The following RAPGEF6 variants were observed in gnomAD, a reference collection of about 807,000 sequenced individuals.
RAPGEF6 encodes Rap guanine nucleotide exchange factor 6, also known as PDZ domain containing guanine nucleotide exchange factor (GEF) 2.
Under a neutral mutation model 171.4 loss-of-function variants are expected in RAPGEF6, and 56 were observed. The observed-to-expected ratio is 0.33, with a 90% CI of 0.26 to 0.41. The LOEUF (loss-of-function observed/expected upper bound fraction) is 0.41. RAPGEF6 is among the 10% of genes least tolerant of loss of function. RAPGEF6 has a pLI of 1.00. For missense variants in RAPGEF6, 1,674 were observed against 1,921.4 expected (o/e 0.87, Z 2.41); for synonymous variants, 692 against 650.1 (o/e 1.06, Z -0.98).
At chr5:131,504,291 G>A (rs1297340837) in intron 11 of RAPGEF6, among the ~76,000 whole-genome samples, 1 of 151,872 alleles carries the variant, frequency 6.6e-6, no homozygotes, top group Non-Finnish European at 1.5e-5. Context: ...GTGAAACCTC[G>A]CCTCTACTAA....
chr5:131,433,708 G>C (rs966815505), intron 24 of RAPGEF6, 50 bp from the exon 25 acceptor site: 1 of 1,371,148 alleles, frequency 7.3e-7, no homozygotes, highest in African/African-American at 1.4e-5. Context: ...GGAACATATG[G>C]TGGGGGTAGT....
At chr5:131,540,657 C>T (rs1760075267) in intron 6 of RAPGEF6, among the ~76,000 whole-genome samples, 1 of 152,218 alleles carries the variant, frequency 6.6e-6, no homozygotes, top group African/African-American at 2.4e-5. Context: ...CAAACACCAA[C>T]AAAGTTTTTT....
Position 131,604,663 on chromosome 5 carries a change from C to T in RAPGEF6, c.100G>A (p.Gly34Arg). ...CTGAGATTTGATAATATTTCCATTC[C>T]ATGAAGATAAGAATAAATAGTATTT... ...DLNTIYSYLH[G>R]MEILSNLREH... Residue 34 changes from glycine to arginine, a missense_variant, in exon 2 of 28, where the codon GGA becomes AGA. Around this residue, in one of 3 missense-constraint regions of RAPGEF6, gnomAD observed 1,116 missense variants for 1,321.5 expected, o/e 0.84. Coordinates refer to ENST00000509018, the MANE Select transcript of RAPGEF6 (RefSeq NM_016340.6). The T allele has an allele frequency of 6.2e-7, 1 of 1,611,288 alleles. No homozygotes were observed. Among genetic ancestry groups the T allele is most frequent in the Non-Finnish European group, 8.5e-7 (1 of 1,178,814 alleles).
chr5:131,430,798 C>T lies in RAPGEF6; in HGVS notation c.4465+61G>A, dbSNP rs143411413. ...CGATAAAATCCAGGGCCAAGATATC[C>T]CAATGCCATTTTTTGACTACTTAAT... On this transcript the variant is annotated intron_variant, in intron 26 of 27. Transcript: ENST00000509018. 4.0e-3 allele frequency: 6,364 copies of T among 1,578,006 alleles called. 17 individuals are homozygous for T. Among genetic ancestry groups the T allele is most frequent in the Non-Finnish European group, 4.7e-3 (5,479 of 1,164,294 alleles).
At chr5:131,515,782 A>G (rs190395600) in intron 7 of RAPGEF6, among the ~76,000 whole-genome samples, 1 of 152,336 alleles carries the variant, frequency 6.6e-6, no homozygotes, top group East Asian at 1.9e-4. Context: ...GAAAAGGCAG[A>G]CATGTTCAGG....
At chr5:131,504,461 C>T (rs1004365166) in intron 11 of RAPGEF6, among the ~76,000 whole-genome samples, 165 bp downstream of exon 11, 1 of 113,826 alleles carries the variant, frequency 8.8e-6, no homozygotes, top group Non-Finnish European at 1.9e-5. Context: ...GACTCCATCA[C>T]AAAAAAAAAA....
At chr5:131,554,946 G>A (rs1761137971) in intron 5 of RAPGEF6, among the ~76,000 whole-genome samples, 1 of 152,228 alleles carries the variant, frequency 6.6e-6, no homozygotes, top group African/African-American at 2.4e-5. Flanking sequence ...ATAAAAAAAA[G>A]AGGGGAAAAA....
intron 12 of RAPGEF6, among the ~76,000 whole-genome samples, chr5:131,497,808 T>C (rs1041000225): frequency 6.6e-6 from 1 of 152,250 alleles, no homozygotes; most frequent in South Asian, 2.1e-4. Flanking sequence ...TTTTATTTTC[T>C]TGAAACAACT....
chr5:131,481,449 C>T (rs375404226), intron 15 of RAPGEF6, among the ~76,000 whole-genome samples: 7 of 151,960 alleles, frequency 4.6e-5, no homozygotes, highest in African/African-American at 9.7e-5. Flanking sequence ...GGAATGACCT[C>T]GAACTTCTAG....
At chr5:131,611,400 T>C (rs1277354989) in intron 1 of RAPGEF6, among the ~76,000 whole-genome samples, 2 of 152,234 alleles carry the variant, frequency 1.3e-5, no homozygotes, top group South Asian at 2.1e-4. Flanking sequence ...CTGGGTGTGG[T>C]GGCTCACACC....
At position 131,427,120 on chromosome 5, in the gene RAPGEF6, A is replaced by G; in HGVS notation, c.*146T>C. ...ATGAAAGGAAGCATAACTCAGGTCT[A>G]TTTCATTGCTCGGAGTAGAGGGAAT... On this transcript the variant is annotated 3_prime_UTR_variant, in exon 28 of 28. Transcript: ENST00000509018. 2 of 767,020 alleles carry G rather than the reference A, an allele frequency of 2.6e-6. No individual in the cohort carries two copies. Among genetic ancestry groups the G allele is most frequent in the Non-Finnish European group, 2.3e-6 (1 of 442,066 alleles). 47.5% of individuals were successfully genotyped at this position (767,020 alleles called of 1,614,324 possible).
At chr5:131,556,614 A>G (rs1005780510) in intron 5 of RAPGEF6, among the ~76,000 whole-genome samples, 1 of 152,272 alleles carries the variant, frequency 6.6e-6, no homozygotes, top group Admixed American at 6.5e-5. Context: ...TTTGGGGGGA[A>G]GAGTAAATTT....
At chr5:131,535,307 G>A (rs1759691254) in intron 6 of RAPGEF6, among the ~76,000 whole-genome samples, 2 of 152,098 alleles carry the variant, frequency 1.3e-5, no homozygotes, top group South Asian at 4.1e-4. Flanking sequence ...AGGAAATAAT[G>A]ACTTCACCTT....
At chr5:131,454,554 G>C (rs1221917979) in intron 20 of RAPGEF6, among the ~76,000 whole-genome samples, 1 of 151,790 alleles carries the variant, frequency 6.6e-6, no homozygotes, top group Non-Finnish European at 1.5e-5. Flanking sequence ...CTCTGGAAAA[G>C]AACATTAAAC....
At chr5:131,604,483 G>T in intron 2 of RAPGEF6, 140 bp downstream of exon 2, 1 of 908,194 alleles carries the variant, frequency 1.1e-6, no homozygotes, top group South Asian at 2.0e-5. Context: ...ATAAACTCCA[G>T]GAAACCAGGG....
At position 131,508,117 on chromosome 5, in the gene RAPGEF6, T is replaced by C; in HGVS notation, c.896A>G (p.Glu299Gly). 6.2e-7 allele frequency: 1 copy of C among 1,613,408 alleles called. No homozygotes were observed. The highest frequency in any genetic ancestry group is 8.5e-7 in the Non-Finnish European group (1 of 1,179,644). ...AATAGCTCCAGCCTGCTCTACCACTTCAAAAATCATCACTGAGCAGAGTTC... is the reference window on the plus strand; with the variant it reads ...AATAGCTCCAGCCTGCTCTACCACTCCAAAAATCATCACTGAGCAGAGTTC... ...RRELCSVMIFEVVEQAGAIIL... is the reference protein window; with the variant it reads ...RRELCSVMIFGVVEQAGAIIL... Residue 299 changes from glutamate (E) to glycine (G), a missense_variant, in exon 9 of 28, where the codon GAA (glutamate) becomes GGA (glycine). Around this residue, in one of 3 missense-constraint regions of RAPGEF6, gnomAD observed 1,116 missense variants for 1,321.5 expected, o/e 0.84. Transcript: ENST00000509018.
In RAPGEF6 at chr5:131,479,594, T is replaced by C. The variant is rs774867031; in HGVS notation, c.2000A>G (p.Asn667Ser). 1 of 1,614,040 alleles carries C rather than the reference T, an allele frequency of 6.2e-7. No homozygotes were observed. Among genetic ancestry groups the C allele is most frequent in the Non-Finnish European group, 8.5e-7 (1 of 1,179,966 alleles). The stretch of plus-strand genomic sequence containing the variant: ...TTTGTTTCTTCCACCTGAAACAGTA[T>C]TTGCTTTAACTTTCTTACTTCCTTT... ...QEKGSKKVKANTVSGGRNKIR... is the reference protein window; with the variant it reads ...QEKGSKKVKASTVSGGRNKIR... The change falls in exon 16 of 28, where the codon AAT becomes AGT. Residue 667 changes from asparagine to serine, a missense_variant. Physicochemically the swap from Asn to Ser is conservative, Grantham distance 46 (BLOSUM62 1). Transcript: ENST00000509018.
At chr5:131,493,162 T>G (rs1256829517) in intron 13 of RAPGEF6, among the ~76,000 whole-genome samples, 1 of 152,128 alleles carries the variant, frequency 6.6e-6, no homozygotes, top group African/African-American at 2.4e-5. Flanking sequence ...CCTCCCGGGT[T>G]CATGCCATTC....
At position 131,510,456 on chromosome 5, in the gene RAPGEF6, T is replaced by C. The variant is rs772710836; in HGVS notation, c.663A>G (p.Thr221=). Reference sequence around the variant, plus strand: ...AATCAACAGGTCCTTCTGGAAGACGTGTCAAATCTACATCTCCTACCTCAC... The same window carrying C: ...AATCAACAGGTCCTTCTGGAAGACGCGTCAAATCTACATCTCCTACCTCAC... ...TESEVGDVDL[T]RLPEGPVDSE... is the part of the protein sequence containing the mutation. Residue 221 remains threonine, a synonymous_variant, in exon 8 of 28, where the codon ACA becomes ACG. Transcript: ENST00000509018. 6.2e-7 allele frequency: 1 copy of C among 1,613,982 alleles called. No homozygotes were observed. The highest frequency in any genetic ancestry group is 8.5e-7 in the Non-Finnish European group (1 of 1,180,024).
Sources: gnomAD v4.1 joint callset for allele counts (sites outside exome capture counted in the v4.1 genomes callset) on GRCh38, gnomAD v4.1.1 for gene constraint, gnomAD v4.1.1 regional missense constraint, MANE v1.5 for transcripts, NCBI Gene and HGNC (gene_info 2026-07-23, HGNC 2026-07-21) for gene names.